SHANK2: variants seen among roughly 807,000 people sequenced by gnomAD.
SHANK2 encodes the protein SH3 and multiple ankyrin repeat domains protein 2.
In SHANK2, 43 loss-of-function variants were observed where a neutral mutation model predicts 133.7. The observed-to-expected ratio is 0.32, with a 90% CI of 0.25 to 0.41. SHANK2 has a LOEUF of 0.41. Among genes scored for constraint, SHANK2 ranks in the 10% least tolerant of loss-of-function variants. The pLI, the probability that SHANK2 is intolerant of heterozygous loss-of-function variation, is 1.00. For synonymous variants in SHANK2, 1,017 were observed against 952.8 expected (o/e 1.07, Z -1.24); for missense variants, 1,994 against 2,235.8 (o/e 0.89, Z 2.18).
chr11:70,532,888 T>C (rs1554973493), intron 17 of SHANK2, among the ~76,000 whole-genome samples: 1 of 150,724 alleles, frequency 6.6e-6, no homozygotes, highest in African/African-American at 2.5e-5. Context: ...TGAATAACAC[T>C]CTGTGGTCGA....
chr11:71,248,944 C>T (rs1222933629), intron 1 of SHANK2, among the ~76,000 whole-genome samples: 4 of 152,160 alleles, frequency 2.6e-5, no homozygotes, highest in African/African-American at 4.8e-5. Context: ...TAGAAGCTCC[C>T]GGAGGCAGCC....
chr11:70,787,140 A>T (rs1342813838), intron 14 of SHANK2, among the ~76,000 whole-genome samples: 1 of 111,110 alleles, frequency 9.0e-6, no homozygotes, highest in African/African-American at 3.6e-5. Flanking sequence ...ACCATCACCA[A>T]GATCACCACC....
Position 70,486,447 on chromosome 11 carries a change from G to A in SHANK2, c.3846C>T (p.Tyr1282=), listed in dbSNP as rs782577631. 2.5e-5 allele frequency: 40 copies of A among 1,613,948 alleles called. No individual in the cohort carries two copies. Among genetic ancestry groups the A allele is most frequent in the South Asian group, 4.4e-5 (4 of 91,088 alleles). ...PLRRQETENK[Y]ETDLGRDRKG... The stretch of plus-strand genomic sequence containing the variant: ...TCCGGTCTCGGCCCAGGTCGGTCTC[G>A]TACTTGTTCTCCGTCTCCTGCCGCC... Residue 1282 remains tyrosine (Y), a synonymous_variant, in exon 25 of 26, where the codon TAC becomes TAT. Transcript: ENST00000601538. This position sits in a 1 kb window ranked among gnomAD's most constrained non-coding sequence, Gnocchi z 8.0.
At chr11:70,478,376 A>G (rs1222229827) in intron 25 of SHANK2, among the ~76,000 whole-genome samples, 1 of 152,192 alleles carries the variant, frequency 6.6e-6, no homozygotes, top group Non-Finnish European at 1.5e-5. Context: ...CCGCCTGTCA[A>G]GGGCCTGCTG....
chr11:70,631,392 A>ACCCACC (rs2060986214), intron 17 of SHANK2, among the ~76,000 whole-genome samples: 2 of 149,190 alleles, frequency 1.3e-5, no homozygotes, highest in Non-Finnish European at 3.0e-5. Flanking sequence ...ACACACACAC[A>ACCCACC]CACACACACA....
At chr11:70,653,316 C>T (rs781816470) in intron 17 of SHANK2, among the ~76,000 whole-genome samples, 1 of 152,164 alleles carries the variant, frequency 6.6e-6, no homozygotes, top group African/African-American at 2.4e-5. Context: ...AACTCTGAAG[C>T]TGTGGGGATT....
Position 70,486,242 on chromosome 11 carries a change from C to T in SHANK2, c.4051G>A (p.Gly1351Ser). 6.2e-7 allele frequency: 1 copy of T among 1,614,024 alleles called. No homozygotes were observed. Among genetic ancestry groups the T allele is most frequent in the Non-Finnish European group, 8.5e-7 (1 of 1,180,024 alleles). The change falls in exon 25 of 26, where the codon GGT becomes AGT. Residue 1351 changes from glycine (G) to serine (S), a missense_variant. Physicochemically the swap from Gly to Ser is moderately conservative, Grantham distance 56 (BLOSUM62 0). This residue lies in a region of SHANK2 where 797 missense variants were observed against 907.4 expected (regional missense o/e 0.88). Coordinates refer to ENST00000601538, the MANE Select transcript of SHANK2 (RefSeq NM_012309.5). The surrounding 1 kb of genome is among the most constrained non-coding windows in gnomAD (Gnocchi z 8.0). ...AAAGCACCTTCGGTTTCGGAAACACCTTCTGGCACCTCGGACGGCGAGCTG... is the reference window on the plus strand; with the variant it reads ...AAAGCACCTTCGGTTTCGGAAACACTTTCTGGCACCTCGGACGGCGAGCTG... ...PDSSPSEVPE[G>S]VSETEGALQI... is the part of the protein sequence containing the mutation.
rs544429954 is a variant in SHANK2 at position 70,486,098 on chromosome 11, C to T, written c.4195G>A (p.Val1399Met). The T allele has an allele frequency of 2.3e-5, 37 of 1,614,028 alleles. No homozygotes were observed. The highest frequency in any genetic ancestry group is 1.1e-5 in the South Asian group (1 of 91,076). ...FRIPPPPLAS[V>M]DLDEDFIFTE... is the part of the protein sequence containing the mutation. Reference sequence around the variant, plus strand: ...AAAATAAAATCCTCATCCAAGTCCACGGATGCCAGAGGGGGAGGAGGGATG... The same window carrying T: ...AAAATAAAATCCTCATCCAAGTCCATGGATGCCAGAGGGGGAGGAGGGATG... The change falls in exon 25 of 26, where the codon GTG becomes ATG. Residue 1399 changes from valine (V) to methionine (M), a missense_variant. Physicochemically the swap from Val to Met is conservative, Grantham distance 21 (BLOSUM62 1). This residue lies in a region of SHANK2 where 797 missense variants were observed against 907.4 expected (regional missense o/e 0.88). Coordinates refer to ENST00000601538, the MANE Select transcript of SHANK2 (RefSeq NM_012309.5). The surrounding 1 kb of genome is among the most constrained non-coding windows in gnomAD (Gnocchi z 8.0).
At position 70,659,891 on chromosome 11, in the gene SHANK2, C is replaced by T; in HGVS notation, c.1998G>A (p.Glu666=). 1 of 1,614,200 alleles carries T rather than the reference C, an allele frequency of 6.2e-7. No individual in the cohort carries two copies. The highest frequency in any genetic ancestry group is 8.5e-7 in the Non-Finnish European group (1 of 1,180,038). The part of the protein sequence containing the change: ...TPAFPALQYL[E]SVDEGGVAWQ... ...ACGCCACCCCACCTTCATCCACGGA[C>T]TCCAGGTACTGTAGGGCTGGGAAAG... is the stretch of plus-strand genomic sequence containing the variant. Residue 666 remains glutamate (E), a synonymous_variant, in exon 17 of 26, where the codon GAG becomes GAA. Coordinates refer to ENST00000601538, the MANE Select transcript of SHANK2 (RefSeq NM_012309.5).
At chr11:70,659,396 T>C (rs1392282618) in intron 17 of SHANK2, among the ~76,000 whole-genome samples, 1 of 152,136 alleles carries the variant, frequency 6.6e-6, no homozygotes, top group Non-Finnish European at 1.5e-5. Context: ...TAGCCATCAA[T>C]GTTACAGACC....
chr11:70,573,202 G>A (rs2060068308), intron 17 of SHANK2, among the ~76,000 whole-genome samples: 2 of 149,680 alleles, frequency 1.3e-5, no homozygotes, highest in Admixed American at 1.3e-4. Context: ...GTGATGTGAC[G>A]GAGCTGGGCG....
chr11:71,168,566 C>CA (rs1953238203), intron 2 of SHANK2, among the ~76,000 whole-genome samples: 1 of 152,164 alleles, frequency 6.6e-6, no homozygotes, highest in South Asian at 2.1e-4. Flanking sequence ...ACTCCGTCTG[C>CA]AATCCCGGCA....
At chr11:70,914,255 T>C (rs955898817) in intron 10 of SHANK2, among the ~76,000 whole-genome samples, 2 of 151,950 alleles carry the variant, frequency 1.3e-5, no homozygotes, top group Admixed American at 6.6e-5. Context: ...TGCAATGGGG[T>C]TCCGCTGAGA....
At chr11:70,545,505 C>G (rs1216362529) in intron 17 of SHANK2, among the ~76,000 whole-genome samples, 1 of 152,140 alleles carries the variant, frequency 6.6e-6, no homozygotes, top group Non-Finnish European at 1.5e-5. Flanking sequence ...GTCCTCACCT[C>G]GGGGTCTTGG....
intron 2 of SHANK2, among the ~76,000 whole-genome samples, chr11:71,182,795 C>T (rs1173877236): frequency 1.3e-5 from 2 of 152,168 alleles, no homozygotes; most frequent in African/African-American, 4.8e-5. Context: ...GTGTTTCCCT[C>T]TGGTACAAAC....
chr11:71,067,659 G>T (rs1951082776), intron 9 of SHANK2, among the ~76,000 whole-genome samples: 2 of 152,068 alleles, frequency 1.3e-5, no homozygotes, highest in African/African-American at 2.4e-5. Flanking sequence ...GGAGAGGCTT[G>T]TTACAGGAAT....
At chr11:71,119,246 G>T (rs73521175) in intron 3 of SHANK2, among the ~76,000 whole-genome samples, 2,566 of 152,198 alleles carry the variant, frequency 0.017, 80 homozygotes, top group African/African-American at 0.059. Context: ...AGGAAAGACC[G>T]AGGCATTGGT....
chr11:70,887,709 T>C (rs1460042901), intron 11 of SHANK2, among the ~76,000 whole-genome samples: 1 of 152,186 alleles, frequency 6.6e-6, no homozygotes, highest in Non-Finnish European at 1.5e-5. Context: ...AAACATCCCA[T>C]TGACCAGGCT....
chr11:71,114,859 G>A (rs1951950443), intron 4 of SHANK2, among the ~76,000 whole-genome samples: 1 of 152,042 alleles, frequency 6.6e-6, no homozygotes, highest in East Asian at 1.9e-4. Context: ...AATTCCACGG[G>A]GCCCCTTTCC....
Sources: allele counts gnomAD v4.1 joint callset (sites outside exome capture counted in the v4.1 genomes callset), GRCh38; gene constraint gnomAD v4.1.1; regional missense constraint gnomAD v4.1.1; non-coding constraint Gnocchi (gnomAD v3.1); transcripts MANE v1.5; gene names NCBI Gene and HGNC (gene_info 2026-07-23, HGNC 2026-07-21).